Variants in NCOR1 observed in about 807,000 individuals in gnomAD.
The protein encoded by NCOR1 is protein phosphatase 1, regulatory subunit 109.
In NCOR1, 63 loss-of-function variants were observed where a neutral mutation model predicts 288.1. That is an observed-to-expected ratio of 0.22 (90% CI 0.18 to 0.27). The LOEUF (loss-of-function observed/expected upper bound fraction) is 0.27, where lower values mean the gene tolerates loss of function less well. Ranked by LOEUF, NCOR1 falls within the 10% of genes least tolerant of loss-of-function variation. The pLI, the probability that NCOR1 is intolerant of heterozygous loss-of-function variation, is 1.00. For missense variants in NCOR1, 2,397 were observed against 3,019.2 expected (o/e 0.79, Z 4.83); for synonymous variants, 1,007 against 1,065.9 (o/e 0.94, Z 1.08).
At position 16,065,639 on chromosome 17, in the gene NCOR1, A is replaced by T. The variant is rs2152678548; in HGVS notation, c.4797T>A (p.Ser1599Arg). 3.1e-6 allele frequency: 5 copies of T among 1,614,172 alleles called. No homozygotes were observed. Among genetic ancestry groups the T allele is most frequent in the Non-Finnish European group, 4.2e-6 (5 of 1,180,036 alleles). Residue 1599 changes from serine (S) to arginine (R), a missense_variant, in exon 33 of 46, where the codon AGT becomes AGA. Ser to Arg is a moderately radical substitution (Grantham distance 110). This residue lies in a region of NCOR1 where 1,872 missense variants were observed against 2,187.8 expected (regional missense o/e 0.86). Coordinates refer to ENST00000268712, the MANE Select transcript of NCOR1 (RefSeq NM_006311.4). ...TCTCCATTGCGTAAAGCTGATACTG[A>T]CTTGGGTAACCTGGAGTTGGTGAAA... ...RQLSPTPGYP[S>R]QYQLYAMENT... is the part of the protein sequence containing the mutation.
intron 40 of NCOR1, among the ~76,000 whole-genome samples, chr17:16,052,490 T>C (rs1376383092): frequency 6.6e-6 from 1 of 152,168 alleles, no homozygotes; most frequent in Non-Finnish European, 1.5e-5. Context: ...GCATATAACC[T>C]AGGAAATCTA....
rs2072921025 is a variant in NCOR1 at position 16,121,081 on chromosome 17, G to A, written c.1823C>T (p.Pro608Leu). 3.1e-6 allele frequency: 5 copies of A among 1,613,768 alleles called. No homozygotes were observed. Among genetic ancestry groups the A allele is most frequent in the Non-Finnish European group, 4.2e-6 (5 of 1,179,874 alleles). The part of the protein sequence containing the change: ...AAAAAATEEP[P>L]PPLPPPPEPI... ...TTCTGGTGGCGGTGGCAGAGGTGGT[G>A]GGGGCTCTTCAGTAGCCGCTGCGGC... Residue 608 changes from proline to leucine, a missense_variant, in exon 16 of 46, where the codon CCA (proline) becomes CTA (leucine). Transcript: ENST00000268712.
chr17:16,030,637 G>T lies in NCOR1; in HGVS notation c.*1659C>A, dbSNP rs1036939117. 5 of 181,532 alleles carry T rather than the reference G, an allele frequency of 2.8e-5. No homozygotes were observed. The highest frequency in any genetic ancestry group is 6.3e-5 in the Admixed American group (1 of 15,958). The allele number at this position is 181,532 out of a possible 1,614,324, so 11.2% of individuals were successfully genotyped here. ...ACTAGGAATGCTGACCACTAAGCCTGATCTAAAGTTTATGTTGGGGACCTC... is the reference window on the plus strand; with the variant it reads ...ACTAGGAATGCTGACCACTAAGCCTTATCTAAAGTTTATGTTGGGGACCTC... On this transcript the variant is annotated 3_prime_UTR_variant, in exon 46 of 46. Transcript: ENST00000268712.
chr17:16,058,056 T>C lies in NCOR1; in HGVS notation c.6019A>G (p.Thr2007Ala). 2 of 1,614,056 alleles carry C rather than the reference T, an allele frequency of 1.2e-6. No homozygotes were observed. The highest frequency in any genetic ancestry group is 1.7e-6 in the Non-Finnish European group (2 of 1,179,946). ...TGTAATGGTCCTTCATATTGTCTGG[T>C]AGGATCATCTAGGAGAGAACACATA... ...VKANQAENDP[T>A]RQYEGPLHHY... The change falls in exon 39 of 46, where the codon ACC becomes GCC. Residue 2007 changes from threonine (T) to alanine (A), a missense_variant. Physicochemically the swap from Thr to Ala is moderately conservative, Grantham distance 58 (BLOSUM62 0). Transcript: ENST00000268712.
At chr17:16,173,905 G>A (rs567436331) in intron 3 of NCOR1, among the ~76,000 whole-genome samples, 14 of 151,840 alleles carry the variant, frequency 9.2e-5, no homozygotes, top group Non-Finnish European at 1.6e-4. Context: ...TACTCCTGCA[G>A]GGGCAACAAG....
chr17:16,080,084 T>C lies in NCOR1; in HGVS notation c.3401-20A>G. On this transcript the variant is annotated intron_variant, in intron 25 of 45. Transcript: ENST00000268712. Reference sequence around the variant, plus strand: ...CGGTACCTGAATACAAACAAAGCTATTAGCAAATTACACCCCCAGCCCCTG... The same window carrying C: ...CGGTACCTGAATACAAACAAAGCTACTAGCAAATTACACCCCCAGCCCCTG... 1 of 1,601,336 alleles carries C rather than the reference T, an allele frequency of 6.2e-7. No individual in the cohort carries two copies. Among genetic ancestry groups the C allele is most frequent in the Non-Finnish European group, 8.6e-7 (1 of 1,168,528 alleles).
At chr17:16,129,882 A>C (rs2075336166) in intron 14 of NCOR1, among the ~76,000 whole-genome samples, 1 of 152,240 alleles carries the variant, frequency 6.6e-6, no homozygotes, top group African/African-American at 2.4e-5. Context: ...TTCTAATGCC[A>C]ATCAGAGCTT....
At chr17:16,101,885 T>A (rs1035833246) in intron 19 of NCOR1, 128 bp from the exon 20 acceptor site, 2 of 1,206,334 alleles carry the variant, frequency 1.7e-6, no homozygotes, top group East Asian at 2.5e-5. Flanking sequence ...TGAAAGTAGT[T>A]GTTTAGGATG....
chr17:16,093,178 T>C (rs544074820), intron 21 of NCOR1, among the ~76,000 whole-genome samples: 1 of 152,214 alleles, frequency 6.6e-6, no homozygotes, highest in East Asian at 1.9e-4. Flanking sequence ...GAACTTCCCA[T>C]TTTTGAAACT....
At chr17:16,207,046 C>T (rs1268011243) in intron 1 of NCOR1, among the ~76,000 whole-genome samples, 2 of 152,152 alleles carry the variant, frequency 1.3e-5, no homozygotes, top group Non-Finnish European at 2.9e-5. Flanking sequence ...TGTATATACT[C>T]TTACATCAGG....
At chr17:16,183,404 G>T (rs1254191291) in intron 3 of NCOR1, among the ~76,000 whole-genome samples, 1 of 150,662 alleles carries the variant, frequency 6.6e-6, no homozygotes, top group African/African-American at 2.4e-5. Flanking sequence ...CAGTAAAGTT[G>T]CAGGATACAA....
chr17:16,110,360 A>C (rs1207751493), intron 18 of NCOR1, among the ~76,000 whole-genome samples: 4 of 152,118 alleles, frequency 2.6e-5, no homozygotes, highest in Non-Finnish European at 4.4e-5. Context: ...TCAAAAAAAA[A>C]ACAAAAAACA....
chr17:16,171,993 G>C lies in NCOR1; in HGVS notation c.245C>G (p.Pro82Arg). Reference sequence around the variant, plus strand: ...TTCATAACTAGTTCTCCTTTCTTGAGGCCTAATACATACAAAGAAAATAAA... The same window carrying C: ...TTCATAACTAGTTCTCCTTTCTTGACGCCTAATACATACAAAGAAAATAAA... ...LSEFHPGSDR[P>R]QERRTSYEPF... Residue 82 changes from proline to arginine, a missense_variant and splice_region_variant, in exon 4 of 46, where the codon CCT becomes CGT. Physicochemically the swap from Pro to Arg is moderately radical, Grantham distance 103 (BLOSUM62 -2). This residue lies in a region of NCOR1 where 110 missense variants were observed against 123.2 expected (regional missense o/e 0.89). Transcript: ENST00000268712. The C allele has an allele frequency of 6.5e-7, 1 of 1,546,014 alleles. No homozygotes were observed. Among genetic ancestry groups the C allele is most frequent in the Non-Finnish European group, 8.7e-7 (1 of 1,147,076 alleles).
At chr17:16,082,179 AAAC>A (rs963035395) in intron 23 of NCOR1, among the ~76,000 whole-genome samples, 1 of 152,050 alleles carries the variant, frequency 6.6e-6, no homozygotes, top group South Asian at 2.1e-4. Context: ...CAGCCAAAAG[AAAC>A]AACAAGCTCT....
Position 16,115,654 on chromosome 17 carries a change from A to C in NCOR1, c.2055+2234T>G, listed in dbSNP as rs141646263. The stretch of plus-strand genomic sequence containing the variant: ...CCAGTCTCTTTGCTAAAACATAAGA[A>C]GACTCACCTTTGCTCCAATTCCCAA... On this transcript the variant is annotated intron_variant, in intron 18 of 45. Transcript: ENST00000268712. Among the ~76,000 whole-genome samples, 1,499 of 152,324 alleles carry C rather than the reference A, an allele frequency of 9.8e-3. 24 individuals carry two copies. Among genetic ancestry groups the C allele is most frequent in the African/African-American group, 0.034 (1,410 of 41,556 alleles).
chr17:16,172,171 T>C (rs1231579909), intron 3 of NCOR1, among the ~76,000 whole-genome samples, 176 bp from the exon 4 acceptor site: 1 of 152,160 alleles, frequency 6.6e-6, no homozygotes, highest in East Asian at 1.9e-4. Flanking sequence ...TATAGTACCA[T>C]TAAACTTCTA....
intron 21 of NCOR1, among the ~76,000 whole-genome samples, chr17:16,096,611 A>G (rs866659302): frequency 3.0e-4 from 45 of 152,328 alleles, no homozygotes; most frequent in Admixed American, 9.8e-4. Context: ...CTAGAGCATT[A>G]TATTTCTTTT....
intron 5 of NCOR1, among the ~76,000 whole-genome samples, chr17:16,162,685 AAT>A (rs892030180): frequency 5.3e-5 from 8 of 152,140 alleles, no homozygotes; most frequent in African/African-American, 1.4e-4. Context: ...AAACAGGCCA[AAT>A]ATAAGACAAT....
intron 42 of NCOR1, among the ~76,000 whole-genome samples, chr17:16,044,185 A>AAAAG (rs1418397752): frequency 5.3e-5 from 8 of 151,478 alleles, no homozygotes; most frequent in Admixed American, 6.6e-5. Flanking sequence ...AAAAAAAAAA[A>AAAAG]AAAGAAAGAA....
Sources: allele counts gnomAD v4.1 joint callset (sites outside exome capture counted in the v4.1 genomes callset), GRCh38; gene constraint gnomAD v4.1.1; regional missense constraint gnomAD v4.1.1; transcripts MANE v1.5; gene names NCBI Gene and HGNC (gene_info 2026-07-23, HGNC 2026-07-21).